The following NXN variants were observed in gnomAD, a reference collection of about 807,000 sequenced individuals.
NXN encodes the protein nucleoredoxin, also known as nucleoredoxin 1.
A neutral mutation model predicts 48.6 loss-of-function variants in NXN; 16 were observed. The observed-to-expected ratio is 0.33, with a 90% CI of 0.22 to 0.50. The LOEUF (loss-of-function observed/expected upper bound fraction) is 0.50, where lower values mean the gene tolerates loss of function less well. Ranked by LOEUF, NXN falls within the 20% of genes least tolerant of loss-of-function variation. The pLI is 0.98. For missense variants in NXN, 492 were observed against 605.5 expected (o/e 0.81, Z 1.97); for synonymous variants, 281 against 269.6 (o/e 1.04, Z -0.41).
At chr17:817,969 T>G (rs1210215393) in intron 5 of NXN, among the ~76,000 whole-genome samples, 2 of 151,598 alleles carry the variant, frequency 1.3e-5, no homozygotes, top group Non-Finnish European at 2.9e-5. Context: ...TTAACAATCA[T>G]TATTTCCGGC....
intron 1 of NXN, among the ~76,000 whole-genome samples, chr17:960,584 T>C (rs1461026208): frequency 6.8e-6 from 1 of 147,256 alleles, no homozygotes; most frequent in Non-Finnish European, 1.5e-5. Flanking sequence ...GCTCAAGCGA[T>C]GCTTCCACCT....
At chr17:873,420 C>T (rs1490475998) in intron 1 of NXN, among the ~76,000 whole-genome samples, 1 of 147,572 alleles carries the variant, frequency 6.8e-6, no homozygotes, top group Non-Finnish European at 1.5e-5. Flanking sequence ...TTGCTTGAAC[C>T]CAGGAGACGG....
chr17:950,072 C>G (rs574805250), intron 1 of NXN, among the ~76,000 whole-genome samples: 2 of 152,156 alleles, frequency 1.3e-5, no homozygotes, highest in Non-Finnish European at 1.5e-5. Flanking sequence ...TTAAAAGAAG[C>G]CCCTTAACTC....
At chr17:976,467 G>C (rs900373312) in intron 1 of NXN, among the ~76,000 whole-genome samples, 11 of 152,012 alleles carry the variant, frequency 7.2e-5, no homozygotes, top group African/African-American at 2.7e-4. Flanking sequence ...ATGTTAATGA[G>C]AATTTAAAAA....
intron 1 of NXN, among the ~76,000 whole-genome samples, chr17:962,310 G>A (rs2069247436): frequency 6.6e-6 from 1 of 152,130 alleles, no homozygotes; most frequent in Middle Eastern, 3.2e-3. Context: ...ACACCTCTTA[G>A]GAGCTCACAA....
chr17:938,184 CAA>C (rs2068930461), intron 1 of NXN, among the ~76,000 whole-genome samples: 1 of 152,240 alleles, frequency 6.6e-6, no homozygotes, highest in Non-Finnish European at 1.5e-5. Flanking sequence ...GGTCAGAGGA[CAA>C]AAGAGGCCGG....
intron 1 of NXN, among the ~76,000 whole-genome samples, chr17:871,019 C>T (rs2068147009): frequency 6.6e-6 from 1 of 151,980 alleles, no homozygotes; most frequent in South Asian, 2.1e-4. Flanking sequence ...CCATCACGCC[C>T]AGCTAAATTT....
intron 1 of NXN, among the ~76,000 whole-genome samples, chr17:876,511 G>A (rs1167193538): frequency 6.6e-6 from 1 of 152,178 alleles, no homozygotes; most frequent in Admixed American, 6.6e-5. Context: ...CGTGTTTCAT[G>A]TACGTCTCCC....
At chr17:961,513 G>C (rs2069237421) in intron 1 of NXN, among the ~76,000 whole-genome samples, 3 of 152,172 alleles carry the variant, frequency 2.0e-5, no homozygotes. Context: ...CAGCTGTAAG[G>C]AATCTCTTCA....
chr17:889,878 G>A (rs1033420920), intron 1 of NXN, among the ~76,000 whole-genome samples: 5 of 152,164 alleles, frequency 3.3e-5, no homozygotes, highest in Non-Finnish European at 7.3e-5. Context: ...GGATATTTCG[G>A]AGCCTGGTGA....
chr17:845,462 G>C (rs1373451383), intron 1 of NXN, among the ~76,000 whole-genome samples: 1 of 152,102 alleles, frequency 6.6e-6, no homozygotes, highest in Non-Finnish European at 1.5e-5. Context: ...CAACATCAGA[G>C]AGAGAATTCC....
chr17:889,745 AAG>A (rs1285391109), intron 1 of NXN, among the ~76,000 whole-genome samples: 1,345 of 58,198 alleles, frequency 0.023, 44 homozygotes, highest in African/African-American at 0.066. Context: ...GAAAGAAAGA[AAG>A]AAAGAAAGAA....
chr17:912,087 GC>G (rs1377678912), intron 1 of NXN, among the ~76,000 whole-genome samples: 1 of 151,832 alleles, frequency 6.6e-6, no homozygotes, highest in East Asian at 1.9e-4. Flanking sequence ...ACAGGCGCCC[GC>G]TACCACGCAC....
At chr17:931,164 G>A (rs1299420364) in intron 1 of NXN, among the ~76,000 whole-genome samples, 2 of 152,036 alleles carry the variant, frequency 1.3e-5, no homozygotes, top group African/African-American at 4.8e-5. Context: ...TCGCACGCCT[G>A]TAGGCCCAAC....
chr17:811,245 G>A (rs1289631140), intron 5 of NXN, among the ~76,000 whole-genome samples: 1 of 152,212 alleles, frequency 6.6e-6, no homozygotes, highest in Non-Finnish European at 1.5e-5. Context: ...ATCTGCTCCA[G>A]GCCCTGCACA....
intron 7 of NXN, 45 bp downstream of exon 7, chr17:803,637 T>C (rs1450727750): frequency 1.2e-6 from 2 of 1,612,788 alleles, no homozygotes; most frequent in Non-Finnish European, 8.5e-7. Context: ...GTGCCAGAAG[T>C]CCCAGCTGAG....
chr17:802,603 G>T (rs1911263988), intron 7 of NXN, among the ~76,000 whole-genome samples: 1 of 152,230 alleles, frequency 6.6e-6, no homozygotes, highest in African/African-American at 2.4e-5. Flanking sequence ...AGGGGTTGGA[G>T]TCACTGCATG....
At chr17:817,732 A>G (rs778961960) in intron 5 of NXN, among the ~76,000 whole-genome samples, 18 of 151,920 alleles carry the variant, frequency 1.2e-4, no homozygotes, top group Non-Finnish European at 2.4e-4. Context: ...TTCTGGGTAA[A>G]TCTGGATTTG....
chr17:808,022 C>G (rs1262165672), intron 5 of NXN, among the ~76,000 whole-genome samples: 1 of 152,194 alleles, frequency 6.6e-6, no homozygotes, highest in Non-Finnish European at 1.5e-5. Flanking sequence ...ATGGGGGTCA[C>G]CCAGCCAGGC....
Sources: allele counts gnomAD v4.1 joint callset (sites outside exome capture counted in the v4.1 genomes callset), GRCh38; gene constraint gnomAD v4.1.1; transcripts MANE v1.5; gene names NCBI Gene and HGNC (gene_info 2026-07-23, HGNC 2026-07-21).